Variants in KLF12 observed in about 807,000 individuals in gnomAD.
KLF12 encodes KLF transcription factor 12, also known as Krueppel-like factor 12.
KLF12 carries 9 observed loss-of-function variants against 37.8 expected under a neutral mutation model. That is an observed-to-expected ratio of 0.24 (90% CI 0.14 to 0.42). The LOEUF (loss-of-function observed/expected upper bound fraction) is 0.42. KLF12 is among the 10% of genes least tolerant of loss of function. The pLI, the probability that KLF12 is intolerant of heterozygous loss-of-function variation, is 1.00. For synonymous variants in KLF12, 208 were observed against 202.1 expected (o/e 1.03, Z -0.25); for missense variants, 411 against 516.0 (o/e 0.80, Z 1.97).
intron 6 of KLF12, among the ~76,000 whole-genome samples, chr13:73,735,247 A>G (rs35347808): frequency 4.0e-5 from 6 of 151,888 alleles, no homozygotes; most frequent in Non-Finnish European, 5.9e-5. Flanking sequence ...GCAGTGAGCT[A>G]TGATTGTGCC....
chr13:74,140,159 T>C, the KLF12 span, among the ~76,000 whole-genome samples: 1 of 152,230 alleles, frequency 6.6e-6, no homozygotes, highest in African/African-American at 2.4e-5. Flanking sequence ...GTTGTGTTAC[T>C]GAAACAGAGA....
chr13:74,200,524 G>A, the KLF12 span, among the ~76,000 whole-genome samples: 14 of 152,086 alleles, frequency 9.2e-5, no homozygotes, highest in Admixed American at 9.2e-4. Flanking sequence ...CCGGTAGAGT[G>A]GAGGGAAAAG....
chr13:73,848,275 T>A (rs1402589964), intron 3 of KLF12, among the ~76,000 whole-genome samples: 1 of 152,032 alleles, frequency 6.6e-6, no homozygotes, highest in Non-Finnish European at 1.5e-5. Context: ...ATAATGTAAA[T>A]GAAAGTTGAC....
chr13:73,725,875 A>ATTTAT, intron 6 of KLF12, among the ~76,000 whole-genome samples: 1 of 81,554 alleles, frequency 1.2e-5, no homozygotes, highest in South Asian at 3.6e-4. Context: ...TTATTTATTT[A>ATTTAT]TTTATTTTTT....
intron 2 of KLF12, among the ~76,000 whole-genome samples, chr13:73,989,298 C>T (rs1891903940): frequency 1.3e-5 from 2 of 152,204 alleles, no homozygotes; most frequent in South Asian, 2.1e-4. Context: ...TGACAAACAG[C>T]TCCTCAAACC....
chr13:74,305,209 C>A, the KLF12 span, among the ~76,000 whole-genome samples: 18 of 152,012 alleles, frequency 1.2e-4, no homozygotes, highest in African/African-American at 4.3e-4. Context: ...TTTTTAAAAC[C>A]TCCACATCTG....
chr13:73,745,576 A>T (rs1247600896), intron 6 of KLF12, among the ~76,000 whole-genome samples: 2 of 152,204 alleles, frequency 1.3e-5, no homozygotes, highest in Non-Finnish European at 2.9e-5. Flanking sequence ...ATCACATGTG[A>T]TAATTACTGT....
intron 1 of KLF12, among the ~76,000 whole-genome samples, chr13:74,125,393 C>T (rs1030441638): frequency 1.3e-5 from 2 of 152,114 alleles, no homozygotes; most frequent in Non-Finnish European, 2.9e-5. Context: ...CCACATAATT[C>T]TTACCCCACC....
intron 3 of KLF12, among the ~76,000 whole-genome samples, chr13:73,878,673 A>G (rs1886830365): frequency 6.6e-6 from 1 of 150,724 alleles, no homozygotes; most frequent in Non-Finnish European, 1.5e-5. Flanking sequence ...GTAAAGGGCA[A>G]GAGAGTGCCA....
chr13:73,788,074 A>G (rs550716355), intron 5 of KLF12, among the ~76,000 whole-genome samples: 1 of 152,268 alleles, frequency 6.6e-6, no homozygotes, highest in African/African-American at 2.4e-5. Flanking sequence ...TATAATATAA[A>G]GTCTCATTGC....
chr13:74,075,700 T>G (rs913040172), intron 1 of KLF12, among the ~76,000 whole-genome samples: 1 of 152,182 alleles, frequency 6.6e-6, no homozygotes, highest in Admixed American at 6.5e-5. Flanking sequence ...AGGAAACTCA[T>G]ACCTTTAAAC....
intron 1 of KLF12, among the ~76,000 whole-genome samples, chr13:74,077,011 G>A (rs185664225): frequency 6.6e-6 from 1 of 152,278 alleles, no homozygotes; most frequent in East Asian, 1.9e-4. Flanking sequence ...ATTCTGTGGT[G>A]TATATGTACC....
intron 5 of KLF12, among the ~76,000 whole-genome samples, chr13:73,776,852 A>T (rs1217238240): frequency 6.6e-6 from 1 of 152,210 alleles, no homozygotes. Flanking sequence ...TTAAAAAAAT[A>T]CATGAACAGG....
chr13:73,853,018 C>A (rs888344335), intron 3 of KLF12, among the ~76,000 whole-genome samples: 1 of 151,546 alleles, frequency 6.6e-6, no homozygotes, highest in Non-Finnish European at 1.5e-5. Flanking sequence ...TACAGGCGCC[C>A]GCCACCATGC....
At chr13:73,909,086 C>A (rs146273935) in intron 3 of KLF12, among the ~76,000 whole-genome samples, 2 of 152,154 alleles carry the variant, frequency 1.3e-5, no homozygotes, top group Non-Finnish European at 2.9e-5. Flanking sequence ...GACAACAATA[C>A]GTACTTGCTG....
chr13:73,720,570 G>A (rs1053721949), intron 6 of KLF12, among the ~76,000 whole-genome samples: 3 of 152,174 alleles, frequency 2.0e-5, no homozygotes, highest in Non-Finnish European at 4.4e-5. Flanking sequence ...ACCATTTAGA[G>A]TAGTGAATGA....
chr13:73,960,447 CA>C, intron 2 of KLF12: 1 of 221,096 alleles, frequency 4.5e-6, no homozygotes, highest in East Asian at 1.3e-4. Context: ...CTTGACAGTT[CA>C]AAATGTGAGG....
intron 1 of KLF12, among the ~76,000 whole-genome samples, chr13:74,033,617 CAA>C (rs1445635438): frequency 6.6e-5 from 10 of 152,202 alleles, no homozygotes; most frequent in Admixed American, 2.6e-4. Context: ...GCAAAGAATT[CAA>C]AAAGACTTTT....
chr13:73,852,321 C>T (rs1352587314), intron 3 of KLF12, among the ~76,000 whole-genome samples: 2 of 152,214 alleles, frequency 1.3e-5, no homozygotes, highest in South Asian at 2.1e-4. Flanking sequence ...ATTGTACTTC[C>T]TCTAAAAGTA....
Sources: gnomAD v4.1 joint callset for allele counts (sites outside exome capture counted in the v4.1 genomes callset) on GRCh38, gnomAD v4.1.1 for gene constraint, MANE v1.5 for transcripts, NCBI Gene and HGNC (gene_info 2026-07-23, HGNC 2026-07-21) for gene names.